TAF4B: variants seen among roughly 807,000 people sequenced by gnomAD.
TAF4B encodes the protein transcription initiation factor TFIID subunit 4B.
In TAF4B, 38 loss-of-function variants were observed where a neutral mutation model predicts 86.4. The ratio of observed to expected loss-of-function variants is 0.44; its 90% CI spans 0.34 to 0.58. The LOEUF is 0.58. Ranked by LOEUF, TAF4B falls within the 20% of genes least tolerant of loss-of-function variation. The probability of loss-of-function intolerance (pLI) is 0.02; values close to 1 mark genes in which losing one functional copy is unlikely to be tolerated. For synonymous variants in TAF4B, 388 were observed against 391.2 expected (o/e 0.99, Z 0.10); for missense variants, 988 against 1,027.6 (o/e 0.96, Z 0.53).
At chr18:26,343,333 C>T (rs780430807) in intron 13 of TAF4B, among the ~76,000 whole-genome samples, 2 of 152,178 alleles carry the variant, frequency 1.3e-5, no homozygotes, top group Non-Finnish European at 2.9e-5. Context: ...TGTTAAACTC[C>T]TAGACCTACT....
Position 26,357,279 on chromosome 18 carries a change from G to GT in TAF4B, c.2317-410dup, listed in dbSNP as rs749239439. ...AGTGCTTTGTAAATTATATAGCATA[G>GT]TAGAACTGTGTGCAATAATGTACAA... On this transcript the variant is annotated intron_variant, in intron 13 of 14. Coordinates refer to ENST00000269142, the MANE Select transcript of TAF4B (RefSeq NM_005640.3). 4.7e-4 allele frequency among the ~76,000 whole-genome samples: 72 copies of GT among 152,162 alleles called. 2 individuals are homozygous for GT. Among genetic ancestry groups the GT allele is most frequent in the Admixed American group, 3.3e-4 (5 of 15,278 alleles).
intron 9 of TAF4B, among the ~76,000 whole-genome samples, chr18:26,295,763 T>G (rs1294654720): frequency 6.6e-6 from 1 of 152,240 alleles, no homozygotes; most frequent in Non-Finnish European, 1.5e-5. Context: ...TACCTTTTTT[T>G]TAAATGTTGC....
intron 9 of TAF4B, among the ~76,000 whole-genome samples, chr18:26,294,188 C>T (rs1001614625): frequency 1.3e-5 from 2 of 152,014 alleles, no homozygotes; most frequent in African/African-American, 4.8e-5. Context: ...GGTAGGGAAA[C>T]TACCAAATTG....
intron 7 of TAF4B, among the ~76,000 whole-genome samples, chr18:26,288,180 A>T (rs2056548184): frequency 6.6e-6 from 1 of 152,196 alleles, no homozygotes; most frequent in African/African-American, 2.4e-5. Context: ...GCTAATCTTT[A>T]TTGAGCATCT....
chr18:26,277,013 AG>A (rs1279792945), intron 5 of TAF4B, among the ~76,000 whole-genome samples: 1 of 152,196 alleles, frequency 6.6e-6, no homozygotes, highest in Non-Finnish European at 1.5e-5. Flanking sequence ...CTAAAACTTG[AG>A]GACTCCCCAA....
At chr18:26,291,461 T>G (rs902668219) in intron 7 of TAF4B, among the ~76,000 whole-genome samples, 1 of 151,814 alleles carries the variant, frequency 6.6e-6, no homozygotes, top group Non-Finnish European at 1.5e-5. Flanking sequence ...AATCCCAGCA[T>G]TTTGGGAGGC....
intron 3 of TAF4B, among the ~76,000 whole-genome samples, chr18:26,272,427 G>GT (rs2056332200): frequency 6.6e-6 from 1 of 152,112 alleles, no homozygotes; most frequent in African/African-American, 2.4e-5. Context: ...GACCCCTGTG[G>GT]TAAGATACAA....
intron 10 of TAF4B, among the ~76,000 whole-genome samples, chr18:26,316,729 G>C (rs1239672643): frequency 2.0e-5 from 3 of 152,124 alleles, no homozygotes; most frequent in Non-Finnish European, 4.4e-5. Flanking sequence ...TGAAAAACTA[G>C]AGCTTTGAAG....
intron 9 of TAF4B, among the ~76,000 whole-genome samples, chr18:26,299,063 G>C (rs1247143983): frequency 2.0e-5 from 3 of 151,636 alleles, no homozygotes; most frequent in Admixed American, 1.3e-4. Flanking sequence ...GTTTCTCCAT[G>C]TTAGTCAGGT....
At chr18:26,283,724 T>C (rs2056476947) in intron 6 of TAF4B, among the ~76,000 whole-genome samples, 1 of 152,158 alleles carries the variant, frequency 6.6e-6, no homozygotes, top group Non-Finnish European at 1.5e-5. Context: ...AGACCTAGCT[T>C]CCTCCAATAG....
chr18:26,264,618 G>C (rs1200388838), intron 1 of TAF4B, among the ~76,000 whole-genome samples: 1 of 152,158 alleles, frequency 6.6e-6, no homozygotes, highest in African/African-American at 2.4e-5. Context: ...ATAGCAAAGG[G>C]GAGTAAGACC....
At chr18:26,321,328 A>G in intron 11 of TAF4B, 128 bp downstream of exon 11, 1 of 934,110 alleles carries the variant, frequency 1.1e-6, no homozygotes, top group Non-Finnish European at 1.6e-6. Flanking sequence ...GTGGAAAATC[A>G]AAGTCTCATT....
intron 1 of TAF4B, among the ~76,000 whole-genome samples, chr18:26,236,328 C>T (rs569747584): frequency 5.2e-4 from 79 of 152,272 alleles, no homozygotes; most frequent in Non-Finnish European, 9.1e-4. Flanking sequence ...TTGAGGACGG[C>T]TGTCTGGGGC....
chr18:26,237,459 C>T (rs1225021372), intron 1 of TAF4B, among the ~76,000 whole-genome samples: 1 of 152,082 alleles, frequency 6.6e-6, no homozygotes, highest in African/African-American at 2.4e-5. Flanking sequence ...TCCCCTACAG[C>T]TTGAAGGGGA....
chr18:26,263,960 G>A (rs1001462972), intron 1 of TAF4B, among the ~76,000 whole-genome samples: 16 of 152,180 alleles, frequency 1.1e-4, no homozygotes, highest in Admixed American at 1.0e-3. Context: ...TTTTGTGAAT[G>A]TGTGTGAAAT....
intron 9 of TAF4B, among the ~76,000 whole-genome samples, chr18:26,297,634 A>G (rs2056679949): frequency 6.6e-6 from 1 of 151,964 alleles, no homozygotes; most frequent in East Asian, 1.9e-4. Context: ...AATGTGTTTT[A>G]TATATACCAT....
Position 26,238,774 on chromosome 18 carries a change from G to T in TAF4B, c.343+11498G>T, listed in dbSNP as rs546198301. On this transcript the variant is annotated intron_variant, in intron 1 of 14. Transcript: ENST00000269142. ...CCCACGACAGGCCCCAGTGTGTGAT[G>T]TTCCCCACCCTGTGTCCAAGTGTTC... 3.3e-5 allele frequency among the ~76,000 whole-genome samples: 5 copies of T among 152,112 alleles called. No individual in the cohort carries two copies. In the East Asian group the frequency reaches 7.7e-4, roughly 24 times the overall value.
At chr18:26,256,046 C>G (rs2056079365) in intron 1 of TAF4B, 4 of 1,287,922 alleles carry the variant, frequency 3.1e-6, no homozygotes, top group Non-Finnish European at 4.5e-6. Flanking sequence ...GATATGGTTG[C>G]TCTTTATCTT....
At chr18:26,351,777 A>T (rs1244536696) in intron 13 of TAF4B, among the ~76,000 whole-genome samples, 1 of 152,192 alleles carries the variant, frequency 6.6e-6, no homozygotes, top group Non-Finnish European at 1.5e-5. Context: ...AAAAATGATG[A>T]TTGGTGAAAT....
Sources: allele counts gnomAD v4.1 joint callset (sites outside exome capture counted in the v4.1 genomes callset), GRCh38; gene constraint gnomAD v4.1.1; transcripts MANE v1.5; gene names NCBI Gene and HGNC (gene_info 2026-07-23, HGNC 2026-07-21).